The following ARAP2 variants were observed in gnomAD, a reference collection of about 807,000 sequenced individuals.
The protein encoded by ARAP2 is ArfGAP with RhoGAP domain, ankyrin repeat and PH domain 2, also known as arf-GAP with Rho-GAP domain, ANK repeat and PH domain-containing protein 2.
In ARAP2, 148 loss-of-function variants were observed where a neutral mutation model predicts 194.5. The observed-to-expected ratio is 0.76, with a 90% confidence interval of 0.67 to 0.87. The LOEUF is 0.87. Among genes scored for constraint, ARAP2 ranks in the 40% least tolerant of loss-of-function variants. The pLI is 0.00. For missense variants in ARAP2, 2,128 were observed against 1,989.7 expected, an observed-to-expected ratio of 1.07 and a Z score of -1.32; for synonymous variants, 695 against 683.5, an observed-to-expected ratio of 1.02 and a Z score of -0.26.
intron 3 of ARAP2, among the ~76,000 whole-genome samples, chr4:36,050,982 T>A (rs1376225293): frequency 1.3e-5 from 2 of 152,238 alleles, no homozygotes; most frequent in Non-Finnish European, 2.9e-5. Flanking sequence ...TTTAAATTCC[T>A]CCTGTAAAAA....
intron 1 of ARAP2, among the ~76,000 whole-genome samples, chr4:36,237,032 C>T (rs1752580697): frequency 6.6e-6 from 1 of 152,156 alleles, no homozygotes; most frequent in African/African-American, 2.4e-5. Flanking sequence ...AGTCTACATA[C>T]CTTTACATTT....
intron 27 of ARAP2, among the ~76,000 whole-genome samples, chr4:36,096,637 T>C (rs1466955226): frequency 6.6e-6 from 1 of 152,144 alleles, no homozygotes. Flanking sequence ...GTTTTCATGA[T>C]ACACATACTG....
At chr4:36,209,849 A>G (rs1746346555) in intron 6 of ARAP2, among the ~76,000 whole-genome samples, 1 of 152,246 alleles carries the variant, frequency 6.6e-6, no homozygotes, top group Admixed American at 6.5e-5. Context: ...ATTTGTTGAT[A>G]AATCCAAAGA....
At chr4:36,104,398 G>C (rs927522689) in intron 27 of ARAP2, among the ~76,000 whole-genome samples, 9 of 151,858 alleles carry the variant, frequency 5.9e-5, no homozygotes, top group African/African-American at 2.2e-4. Flanking sequence ...TTCCCTTTTA[G>C]ATCCCAATTT....
chr4:36,067,775 C>G lies in ARAP2; in HGVS notation c.*132G>C. ...CATATTTTTAAATGCTCCTTAAATG[C>G]CTAAGCATAGACAAATTTGCCTATC... On this transcript the variant is annotated 3_prime_UTR_variant, in exon 33 of 33. Transcript: ENST00000303965. The G allele has an allele frequency of 1.0e-6, 1 of 963,164 alleles. No individual in the cohort carries two copies. Among genetic ancestry groups the G allele is most frequent in the Non-Finnish European group, 1.5e-6 (1 of 667,480 alleles). The allele number at this position is 963,164 out of a possible 1,614,324, so 59.7% of individuals were successfully genotyped here.
Position 36,066,946 on chromosome 4 carries a change from T to C in ARAP2, c.*961A>G, listed in dbSNP as rs1184923368. On this transcript the variant is annotated 3_prime_UTR_variant, in exon 33 of 33. Coordinates refer to ENST00000303965, the MANE Select transcript of ARAP2 (RefSeq NM_015230.4). ...AAAAACATTACAACCTTAATAATAA[T>C]TTAAAAAAATCTAAAAATCAAACAA... 1 of 152,092 alleles carries C rather than the reference T, an allele frequency of 6.6e-6. No homozygotes were observed. Among genetic ancestry groups the C allele is most frequent in the East Asian group, 1.9e-4 (1 of 5,196 alleles). The allele number at this position is 152,092 out of a possible 1,614,324, so 9.4% of individuals were successfully genotyped here.
Position 36,082,241 on chromosome 4 carries a change from G to A in ARAP2, c.4544+10C>T, listed in dbSNP as rs1388973660. 5.0e-6 allele frequency: 8 copies of A among 1,609,468 alleles called. No homozygotes were observed. The highest frequency in any genetic ancestry group is 6.8e-6 in the Non-Finnish European group (8 of 1,177,874). On this transcript the variant is annotated intron_variant, in intron 30 of 32. Coordinates refer to ENST00000303965, the MANE Select transcript of ARAP2 (RefSeq NM_015230.4). ...ATATTATGTCCAAAAGTTGTCAGCT[G>A]TTAACTTACCAGTGATGTTTCTCAG...
intron 5 of ARAP2, among the ~76,000 whole-genome samples, chr4:36,031,462 G>A (rs1327880644): frequency 6.6e-6 from 1 of 151,982 alleles, no homozygotes; most frequent in Admixed American, 6.6e-5. Flanking sequence ...GTTGTGTTGT[G>A]TTTTGTTTTT....
chr4:36,143,874 G>C (rs905943827), intron 19 of ARAP2, among the ~76,000 whole-genome samples: 12 of 151,818 alleles, frequency 7.9e-5, no homozygotes, highest in Non-Finnish European at 1.6e-4. Flanking sequence ...GTTATTAACT[G>C]TCTGTGACCA....
chr4:36,066,958 TA>T lies in ARAP2; in HGVS notation c.*948del, dbSNP rs1183671746. 1 of 152,118 alleles carries T rather than the reference TA, an allele frequency of 6.6e-6. No individual in the cohort carries two copies. The highest frequency in any genetic ancestry group is 2.4e-5 in the African/African-American group (1 of 41,418). The allele number at this position is 152,118 out of a possible 1,614,324, so 9.4% of individuals were successfully genotyped here. The stretch of plus-strand genomic sequence containing the variant: ...ACCTTAATAATAATTTAAAAAAATC[TA>T]AAAATCAAACAAAACAACAGGACCC... On this transcript the variant is annotated 3_prime_UTR_variant, in exon 33 of 33. Coordinates refer to ENST00000303965, the MANE Select transcript of ARAP2 (RefSeq NM_015230.4).
At chr4:36,173,055 T>C (rs1039007123) in intron 9 of ARAP2, among the ~76,000 whole-genome samples, 1 of 152,150 alleles carries the variant, frequency 6.6e-6, no homozygotes, top group African/African-American at 2.4e-5. Context: ...GAATGTTTAA[T>C]CAAGTGAGTT....
intron 28 of ARAP2, among the ~76,000 whole-genome samples, chr4:36,091,672 C>G (rs1373148352): frequency 6.6e-6 from 1 of 152,078 alleles, no homozygotes; most frequent in Non-Finnish European, 1.5e-5. Context: ...CCCTCAAAAT[C>G]TGAGGTGCCT....
chr4:36,038,246 T>G (rs1007262949), intron 5 of ARAP2, among the ~76,000 whole-genome samples: 1 of 152,202 alleles, frequency 6.6e-6, no homozygotes, highest in Admixed American at 6.6e-5. Context: ...AGAGTGAAGA[T>G]ATGCATTTAT....
chr4:36,164,290 T>C (rs1343798116), intron 11 of ARAP2, among the ~76,000 whole-genome samples: 1 of 152,130 alleles, frequency 6.6e-6, no homozygotes, highest in Non-Finnish European at 1.5e-5. Flanking sequence ...GTTAACTTTC[T>C]TCAAAACTTC....
intron 5 of ARAP2, among the ~76,000 whole-genome samples, chr4:36,031,859 G>A (rs1432862165): frequency 6.6e-6 from 1 of 151,938 alleles, no homozygotes; most frequent in Admixed American, 6.6e-5. Flanking sequence ...AGTAGAAACG[G>A]GGTTTCGCCA....
At position 36,119,030 on chromosome 4, in the gene ARAP2, C is replaced by T. The variant is rs528774317; in HGVS notation, c.3963+620G>A. Among the ~76,000 whole-genome samples, 4 of 151,450 alleles carry T rather than the reference C, an allele frequency of 2.6e-5. No homozygotes were observed. In the East Asian group the frequency reaches 5.9e-4, roughly 22 times the overall value. On this transcript the variant is annotated intron_variant, in intron 24 of 32. Transcript: ENST00000303965. Reference sequence around the variant, plus strand: ...TGGTACCCTGAATCCACTCTAACTCCTAGTTACTAGAAGATGACTAATCAT... The same window carrying T: ...TGGTACCCTGAATCCACTCTAACTCTTAGTTACTAGAAGATGACTAATCAT...
rs376510867 is a variant in ARAP2 at position 36,234,896 on chromosome 4, A to C, written c.-159-5251T>G. On this transcript the variant is annotated intron_variant, in intron 1 of 32. Transcript: ENST00000303965. ...ATGGTGCATCATGTATATGCAGTACATGTTTAGAGAATGTATAAATAGTTG... is the reference window on the plus strand; with the variant it reads ...ATGGTGCATCATGTATATGCAGTACCTGTTTAGAGAATGTATAAATAGTTG... 7.9e-4 allele frequency among the ~76,000 whole-genome samples: 120 copies of C among 152,308 alleles called. 2 individuals carry two copies. In the South Asian group the frequency reaches 0.024, roughly 30 times the overall value.
intron 5 of ARAP2, among the ~76,000 whole-genome samples, chr4:36,023,297 G>C (rs981947275): frequency 4.6e-5 from 7 of 152,172 alleles, no homozygotes; most frequent in African/African-American, 1.4e-4. Flanking sequence ...TGAATCATTT[G>C]CTTGTATAGC....
At chr4:36,008,732 G>A (rs1713823214) in intron 9 of ARAP2, among the ~76,000 whole-genome samples, 1 of 151,950 alleles carries the variant, frequency 6.6e-6, no homozygotes, top group South Asian at 2.1e-4. Context: ...TGCATAGCAA[G>A]AGAAACTATC....
Sources: gnomAD v4.1 joint callset for allele counts (sites outside exome capture counted in the v4.1 genomes callset) on GRCh38, gnomAD v4.1.1 for gene constraint, MANE v1.5 for transcripts, NCBI Gene and HGNC (gene_info 2026-07-23, HGNC 2026-07-21) for gene names.